ABI1: variants seen among roughly 807,000 people sequenced by gnomAD.
The protein encoded by ABI1 is abl interactor 1.
Under a neutral mutation model 54.6 loss-of-function variants are expected in ABI1, and 14 were observed. The observed-to-expected ratio is 0.26, with a 90% CI of 0.17 to 0.40. The LOEUF is 0.40. ABI1 is among the 10% of genes least tolerant of loss of function. The pLI, the probability that ABI1 is intolerant of heterozygous loss-of-function variation, is 1.00. For synonymous variants in ABI1, 194 were observed against 209.3 expected (o/e 0.93, Z 0.63); for missense variants, 443 against 598.3 (o/e 0.74, Z 2.71).
At chr10:26,780,036 C>G (rs1349680389) in intron 2 of ABI1, among the ~76,000 whole-genome samples, 1 of 152,140 alleles carries the variant, frequency 6.6e-6, no homozygotes, top group Non-Finnish European at 1.5e-5. Context: ...GAGATATAAT[C>G]TTGACATTAT....
intron 2 of ABI1, among the ~76,000 whole-genome samples, chr10:26,814,945 T>C (rs1442334305): frequency 6.6e-6 from 1 of 152,186 alleles, no homozygotes; most frequent in African/African-American, 2.4e-5. Flanking sequence ...AAACAAGCTC[T>C]GAATTCTAAA....
chr10:26,816,314 T>C (rs891123064), intron 2 of ABI1, among the ~76,000 whole-genome samples: 6 of 152,228 alleles, frequency 3.9e-5, no homozygotes, highest in East Asian at 1.9e-4. Context: ...AATGCTAACA[T>C]TGCTGCCATT....
chr10:26,814,025 C>T (rs2047402771), intron 2 of ABI1, among the ~76,000 whole-genome samples: 1 of 152,124 alleles, frequency 6.6e-6, no homozygotes, highest in African/African-American at 2.4e-5. Flanking sequence ...ATTCTAGGTA[C>T]CCGCCCTACC....
chr10:26,842,688 CATATA>C (rs2049615623), intron 1 of ABI1, among the ~76,000 whole-genome samples: 3 of 152,176 alleles, frequency 2.0e-5, no homozygotes, highest in Admixed American at 6.5e-5. Context: ...AGGGTTTTAC[CATATA>C]ATATAAAAGA....
rs770142228 is a variant in ABI1 at position 26,840,508 on chromosome 10, T to C, written c.118-17203A>G. ...ACAACACAGTTTCACAGAATAGTCT[T>C]AGCTATCTCCAGCCTAGTGATTCAT... is the stretch of plus-strand genomic sequence containing the variant. On this transcript the variant is annotated intron_variant, in intron 1 of 10. Coordinates refer to ENST00000376140, the MANE Select transcript of ABI1 (RefSeq NM_001012750.3). Among the ~76,000 whole-genome samples the C allele has an allele frequency of 2.0e-4, 30 of 152,294 alleles. 3 individuals are homozygous for C. The South Asian group carries it at 3.3e-3, about 17-fold the overall frequency.
chr10:26,785,810 C>T lies in ABI1; in HGVS notation c.286-8569G>A, dbSNP rs1478028987. 2.0e-5 allele frequency among the ~76,000 whole-genome samples: 3 copies of T among 152,016 alleles called. No homozygotes were observed. The East Asian group carries it at 5.8e-4, about 29-fold the overall frequency. On this transcript the variant is annotated intron_variant, in intron 2 of 10. Transcript: ENST00000376140. ...ACTACCTATTATCAAAGTTTGGGTT[C>T]CCTAAACTGGTGGTCCCTCTCCTGT...
At chr10:26,821,799 CAA>C (rs375448180) in intron 2 of ABI1, among the ~76,000 whole-genome samples, 6 of 80,084 alleles carry the variant, frequency 7.5e-5, no homozygotes, top group Non-Finnish European at 1.1e-4. Context: ...ACTCTTGTCT[CAA>C]AAAAAAAAAA....
chr10:26,812,531 A>C (rs2047305353), intron 2 of ABI1, among the ~76,000 whole-genome samples: 2 of 151,952 alleles, frequency 1.3e-5, no homozygotes, highest in Admixed American at 6.5e-5. Flanking sequence ...TAGCTGGAAA[A>C]AAGTATAAAA....
chr10:26,800,954 C>T lies in ABI1; in HGVS notation c.285+22184G>A, dbSNP rs559355535. ...CCAGGAGGCAGAGGCTGCGGTGAGC[C>T]GAGATTGTGCCATTGCACTCCAGCC... On this transcript the variant is annotated intron_variant, in intron 2 of 10. Transcript: ENST00000376140. 2.2e-4 allele frequency among the ~76,000 whole-genome samples: 33 copies of T among 152,268 alleles called. No individual in the cohort carries two copies. The South Asian group carries it at 3.7e-3, about 17-fold the overall frequency.
intron 3 of ABI1, among the ~76,000 whole-genome samples, chr10:26,773,016 T>C (rs1163677830): frequency 6.6e-6 from 1 of 152,072 alleles, no homozygotes; most frequent in Non-Finnish European, 1.5e-5. Flanking sequence ...AGTTGTGAGC[T>C]GTGATTGAGC....
intron 1 of ABI1, among the ~76,000 whole-genome samples, chr10:26,851,799 T>C (rs1037669635): frequency 5.3e-5 from 8 of 152,060 alleles, no homozygotes; most frequent in African/African-American, 7.2e-5. Flanking sequence ...TAAGAAATTA[T>C]AGGTCTTATA....
intron 8 of ABI1, among the ~76,000 whole-genome samples, chr10:26,757,303 T>C (rs1838441763): frequency 6.6e-6 from 1 of 152,136 alleles, no homozygotes; most frequent in Non-Finnish European, 1.5e-5. Flanking sequence ...GAGGCCAAAT[T>C]TGCTTTCCAA....
intron 7 of ABI1, chr10:26,763,883 T>C (rs1839553815): frequency 4.3e-6 from 7 of 1,612,002 alleles, no homozygotes; most frequent in Non-Finnish European, 5.9e-6. Flanking sequence ...ATCTCACCTA[T>C]CACAGTGCTC....
intron 2 of ABI1, among the ~76,000 whole-genome samples, chr10:26,801,931 TA>T (rs1179541859): frequency 6.6e-6 from 1 of 152,186 alleles, no homozygotes; most frequent in African/African-American, 2.4e-5. Flanking sequence ...ATTCAAATAA[TA>T]AATGCTATGA....
intron 2 of ABI1, among the ~76,000 whole-genome samples, chr10:26,795,846 T>C (rs1274894671): frequency 1.3e-5 from 2 of 152,122 alleles, no homozygotes; most frequent in African/African-American, 4.8e-5. Flanking sequence ...TTTAACCCAA[T>C]CCCTATCAAA....
chr10:26,859,075 T>C (rs2051087356), intron 1 of ABI1, among the ~76,000 whole-genome samples: 1 of 152,200 alleles, frequency 6.6e-6, no homozygotes, highest in African/African-American at 2.4e-5. Flanking sequence ...ATTTTTAATA[T>C]CGATAAACTA....
intron 2 of ABI1, among the ~76,000 whole-genome samples, chr10:26,788,192 T>C (rs1207027054): frequency 6.6e-6 from 1 of 152,200 alleles, no homozygotes. Flanking sequence ...TCATTTTCTC[T>C]TGCTGCCGTC....
At chr10:26,782,310 T>C (rs1842209254) in intron 2 of ABI1, among the ~76,000 whole-genome samples, 1 of 152,090 alleles carries the variant, frequency 6.6e-6, no homozygotes, top group Non-Finnish European at 1.5e-5. Context: ...CAGCATCTTA[T>C]ATCGCTTAGT....
chr10:26,794,276 C>T (rs1361282787), intron 2 of ABI1, among the ~76,000 whole-genome samples: 1 of 151,894 alleles, frequency 6.6e-6, no homozygotes, highest in East Asian at 1.9e-4. Context: ...ATACATTAGC[C>T]AGGCATGGTG....
Sources: gnomAD v4.1 joint callset for allele counts (sites outside exome capture counted in the v4.1 genomes callset) on GRCh38, gnomAD v4.1.1 for gene constraint, MANE v1.5 for transcripts, NCBI Gene and HGNC (gene_info 2026-07-23, HGNC 2026-07-21) for gene names.